The following CDK14 variants were observed in gnomAD, a reference collection of about 807,000 sequenced individuals.
CDK14 encodes the protein cyclin dependent kinase 14.
A neutral mutation model predicts 60.7 loss-of-function variants in CDK14; 34 were observed. The ratio of observed to expected loss-of-function variants is 0.56; its 90% confidence interval spans 0.43 to 0.75. CDK14 has a LOEUF of 0.75. Ranked by LOEUF, CDK14 falls within the 30% of genes least tolerant of loss-of-function variation. The pLI is 0.00. For synonymous variants in CDK14, 197 were observed against 203.7 expected (o/e 0.97, Z 0.28); for missense variants, 482 against 564.1 (o/e 0.85, Z 1.47).
chr7:90,945,952 G>A (rs895238169), intron 8 of CDK14, among the ~76,000 whole-genome samples: 19 of 152,222 alleles, frequency 1.2e-4, no homozygotes, highest in African/African-American at 3.6e-4. Flanking sequence ...GAGTAGGAAG[G>A]GCAAACTTTG....
intron 14 of CDK14, among the ~76,000 whole-genome samples, chr7:91,205,244 A>C (rs1398159339): frequency 6.6e-6 from 1 of 152,226 alleles, no homozygotes; most frequent in South Asian, 2.1e-4. Flanking sequence ...ATGAATATTC[A>C]GAGCAGCACT....
At chr7:90,889,329 G>A (rs969074538) in intron 6 of CDK14, among the ~76,000 whole-genome samples, 1 of 152,150 alleles carries the variant, frequency 6.6e-6, no homozygotes, top group Non-Finnish European at 1.5e-5. Context: ...TGATGTCATT[G>A]CCAGAAGCCA....
chr7:90,654,934 C>T lies in CDK14; in HGVS notation c.123+50685C>T, dbSNP rs149525589. ...ATGTATTTACCATTACTGTATCACACAGTATAGTTTCAGTACCCTAAAAAA... is the reference window on the plus strand; with the variant it reads ...ATGTATTTACCATTACTGTATCACATAGTATAGTTTCAGTACCCTAAAAAA... On this transcript the variant is annotated intron_variant, in intron 2 of 14. Coordinates refer to ENST00000380050, the MANE Select transcript of CDK14 (RefSeq NM_001287135.2). Among the ~76,000 whole-genome samples, 132 of 152,254 alleles carry T rather than the reference C, an allele frequency of 8.7e-4. 3 individuals are homozygous for T. In the East Asian group the frequency reaches 0.021, roughly 25 times the overall value.
At chr7:90,742,349 A>G (rs893458264) in intron 3 of CDK14, among the ~76,000 whole-genome samples, 10 of 151,968 alleles carry the variant, frequency 6.6e-5, no homozygotes, top group Non-Finnish European at 1.5e-4. Context: ...TAAATTTTGA[A>G]TATTTTGGTA....
chr7:90,684,844 A>G (rs147424645), intron 2 of CDK14, among the ~76,000 whole-genome samples: 5 of 152,054 alleles, frequency 3.3e-5, no homozygotes, highest in African/African-American at 1.2e-4. Flanking sequence ...GCACATATAT[A>G]TGTTTCCTTG....
chr7:90,965,577 G>A (rs1037407521), intron 9 of CDK14, among the ~76,000 whole-genome samples: 6 of 152,116 alleles, frequency 3.9e-5, no homozygotes, highest in Non-Finnish European at 7.3e-5. Flanking sequence ...AGCTCTATTC[G>A]TAGTCACTTC....
At chr7:90,704,734 A>G (rs1288816305) in intron 2 of CDK14, among the ~76,000 whole-genome samples, 1 of 152,184 alleles carries the variant, frequency 6.6e-6, no homozygotes, top group African/African-American at 2.4e-5. Flanking sequence ...GTCGTGCATG[A>G]CATATGGATA....
intron 5 of CDK14, among the ~76,000 whole-genome samples, chr7:90,832,909 C>T (rs1197584252): frequency 6.6e-6 from 1 of 152,200 alleles, no homozygotes; most frequent in Non-Finnish European, 1.5e-5. Flanking sequence ...TGGCTAGGGC[C>T]TTGGTGAATG....
chr7:91,029,284 A>T (rs539513292), intron 10 of CDK14, among the ~76,000 whole-genome samples: 1 of 151,942 alleles, frequency 6.6e-6, no homozygotes, highest in African/African-American at 2.4e-5. Flanking sequence ...TTCTCTTAGG[A>T]TTGGTTTGAC....
intron 8 of CDK14, among the ~76,000 whole-genome samples, chr7:90,940,861 A>G (rs2117508484): frequency 6.6e-6 from 1 of 152,240 alleles, no homozygotes; most frequent in South Asian, 2.1e-4. Context: ...AAATCTATCT[A>G]TGTATATATA....
intron 13 of CDK14, among the ~76,000 whole-genome samples, chr7:91,115,181 T>G (rs1449336708): frequency 6.6e-6 from 1 of 152,160 alleles, no homozygotes; most frequent in Non-Finnish European, 1.5e-5. Context: ...AGCTGTAGTT[T>G]AGGAACCTCG....
At chr7:90,953,904 A>G (rs901935551) in intron 8 of CDK14, among the ~76,000 whole-genome samples, 1 of 152,156 alleles carries the variant, frequency 6.6e-6, no homozygotes, top group African/African-American at 2.4e-5. Flanking sequence ...TATCATCTTG[A>G]TTGTCCTATC....
At chr7:90,924,618 T>C (rs993568466) in intron 8 of CDK14, among the ~76,000 whole-genome samples, 2 of 152,218 alleles carry the variant, frequency 1.3e-5, no homozygotes, top group African/African-American at 4.8e-5. Context: ...CTAAAGCACA[T>C]GTTTTCTAAA....
chr7:90,799,533 C>CA (rs1788555600), intron 5 of CDK14, among the ~76,000 whole-genome samples: 2 of 151,450 alleles, frequency 1.3e-5, no homozygotes, highest in South Asian at 4.2e-4. Context: ...ACTAAAAATA[C>CA]AAAAAAATTA....
At chr7:90,926,169 T>A (rs1275615639) in intron 8 of CDK14, among the ~76,000 whole-genome samples, 1 of 152,114 alleles carries the variant, frequency 6.6e-6, no homozygotes, top group East Asian at 1.9e-4. Context: ...TCCCCAAACA[T>A]GTGAGAAGGT....
chr7:90,717,085 G>T (rs1481068306), intron 2 of CDK14, among the ~76,000 whole-genome samples: 5 of 151,984 alleles, frequency 3.3e-5, no homozygotes, highest in Non-Finnish European at 7.4e-5. Context: ...AATAGGGCTG[G>T]TTGTTAGTAA....
chr7:90,929,406 G>A (rs183276936), intron 8 of CDK14, among the ~76,000 whole-genome samples: 1 of 152,266 alleles, frequency 6.6e-6, no homozygotes, highest in South Asian at 2.1e-4. Flanking sequence ...CATGGTGATG[G>A]TTATTTGACT....
chr7:91,178,449 A>G (rs1406511312), intron 14 of CDK14, among the ~76,000 whole-genome samples: 1 of 138,376 alleles, frequency 7.2e-6, no homozygotes, highest in Non-Finnish European at 1.6e-5. Flanking sequence ...ACAAAAGCCA[A>G]AATTGACAAA....
intron 2 of CDK14, among the ~76,000 whole-genome samples, chr7:90,616,437 A>G (rs984631993): frequency 6.6e-6 from 1 of 152,182 alleles, no homozygotes; most frequent in Non-Finnish European, 1.5e-5. Context: ...TCAAGTCAAT[A>G]TGATGGAGAA....
Sources: allele counts gnomAD v4.1 joint callset (sites outside exome capture counted in the v4.1 genomes callset), GRCh38; gene constraint gnomAD v4.1.1; transcripts MANE v1.5; gene names NCBI Gene and HGNC (gene_info 2026-07-23, HGNC 2026-07-21).